The following CHAT variants were observed in gnomAD, a reference collection of about 807,000 sequenced individuals.
The protein encoded by CHAT is acetyl CoA:choline O-acetyltransferase.
CHAT carries 61 observed loss-of-function variants against 76.9 expected under a neutral mutation model. The ratio of observed to expected loss-of-function variants is 0.79; its 90% confidence interval spans 0.65 to 0.98. The LOEUF (loss-of-function observed/expected upper bound fraction) is 0.98, where lower values mean the gene tolerates loss of function less well. Among genes scored for constraint, CHAT ranks in the 50% least tolerant of loss-of-function variants. The pLI, the probability that CHAT is intolerant of heterozygous loss-of-function variation, is 0.00. For synonymous variants in CHAT, 407 were observed against 397.4 expected (o/e 1.02, Z -0.29); for missense variants, 946 against 986.9 (o/e 0.96, Z 0.56).
chr10:49,641,863 T>C (rs1317632723), intron 7 of CHAT, among the ~76,000 whole-genome samples: 2 of 152,208 alleles, frequency 1.3e-5, no homozygotes, highest in Admixed American at 1.3e-4. Context: ...GGGGTACTTG[T>C]GCACAGTAGT....
intron 13 of CHAT, among the ~76,000 whole-genome samples, chr10:49,661,919 G>A (rs1010254610): frequency 1.3e-5 from 2 of 152,154 alleles, no homozygotes; most frequent in African/African-American, 4.8e-5. Flanking sequence ...TTTGATAAAA[G>A]TTTAAATATC....
rs1444905151 is a variant in CHAT, at chr10:49,665,858, T to C, written c.*812T>C. 1.3e-5 allele frequency among the ~76,000 whole-genome samples: 2 copies of C among 152,070 alleles called. No individual in the cohort carries two copies. Among genetic ancestry groups the C allele is most frequent in the Non-Finnish European group, 2.9e-5 (2 of 68,004 alleles). ...GCAGATGGTGCCTGGTGCCGGTGGG[T>C]TTGCAGAGGACCTGGCCCCTTCCCG... On this transcript the variant is annotated 3_prime_UTR_variant, in exon 15 of 15. Transcript: ENST00000337653.
At chr10:49,626,775 A>T (rs986747715) in intron 6 of CHAT, among the ~76,000 whole-genome samples, 1 of 152,186 alleles carries the variant, frequency 6.6e-6, no homozygotes, top group Non-Finnish European at 1.5e-5. Flanking sequence ...ATCAGCTGAA[A>T]AGTGTATCTT....
intron 7 of CHAT, among the ~76,000 whole-genome samples, chr10:49,643,265 A>G (rs1000411452): frequency 9.9e-5 from 15 of 152,160 alleles, no homozygotes; most frequent in African/African-American, 3.6e-4. Flanking sequence ...GCCCCACCTA[A>G]ATCCTGCATG....
In CHAT at chr10:49,664,892, G is replaced by C; in HGVS notation, c.2093G>C (p.Ser698Thr). ...TILFCISSFH[S>T]CKETSSSKFA... ...CTTTTCTGCATCTCTAGCTTTCACAGCTGCAAAGAGACTTCTTCTAGCAAG... is the reference window on the plus strand; with the variant it reads ...CTTTTCTGCATCTCTAGCTTTCACACCTGCAAAGAGACTTCTTCTAGCAAG... Residue 698 changes from serine to threonine, a missense_variant, in exon 15 of 15, where the codon AGC becomes ACC. Ser to Thr is a moderately conservative substitution (Grantham distance 58). This residue lies in a region of CHAT where 349 missense variants were observed against 393.9 expected (regional missense o/e 0.89). Coordinates refer to ENST00000337653, the MANE Select transcript of CHAT (RefSeq NM_020549.5). The C allele has an allele frequency of 6.2e-7, 1 of 1,614,238 alleles. No homozygotes were observed. The highest frequency in any genetic ancestry group is 8.5e-7 in the Non-Finnish European group (1 of 1,180,038).
At chr10:49,615,218 G>A (rs1838443856) in intron 1 of CHAT, among the ~76,000 whole-genome samples, 1 of 152,172 alleles carries the variant, frequency 6.6e-6, no homozygotes, top group Non-Finnish European at 1.5e-5. Flanking sequence ...GGTCTGTAGG[G>A]CCTTTACCAA....
upstream of CHAT, among the ~76,000 whole-genome samples, chr10:49,609,536 G>A (rs1056613374): frequency 6.6e-6 from 1 of 152,128 alleles, no homozygotes; most frequent in African/African-American, 2.4e-5. Flanking sequence ...TCCAGGCAAG[G>A]GGAATGTGGC....
intron 5 of CHAT, 89 bp from the exon 6 acceptor site, chr10:49,625,384 G>A (rs1838879615): frequency 1.6e-6 from 2 of 1,285,102 alleles, no homozygotes; most frequent in East Asian, 2.4e-5. Flanking sequence ...CATTTTGCCT[G>A]ATCAAGTTAC....
upstream of CHAT, chr10:49,612,596 A>C (rs1590547077): frequency 2.0e-6 from 1 of 491,062 alleles, no homozygotes. Flanking sequence ...CTGAGTCCCC[A>C]CCTGCGGCTC....
upstream of CHAT, chr10:49,611,840 T>C (rs2132688094): frequency 6.2e-7 from 1 of 1,604,522 alleles, no homozygotes. Flanking sequence ...CTGGCTGTGA[T>C]CGGCGCCAGC....
chr10:49,641,383 G>T (rs1212387495), intron 7 of CHAT, among the ~76,000 whole-genome samples: 2 of 152,078 alleles, frequency 1.3e-5, no homozygotes, highest in Admixed American at 1.3e-4. Flanking sequence ...CTTTTGTTTT[G>T]AATAAAATGT....
intron 7 of CHAT, among the ~76,000 whole-genome samples, chr10:49,641,156 C>CA (rs1406933683): frequency 6.6e-6 from 1 of 152,226 alleles, no homozygotes; most frequent in African/African-American, 2.4e-5. Context: ...CTTATGAGGA[C>CA]ACCAGTTCTA....
chr10:49,620,691 A>C (rs971742223), intron 4 of CHAT, 78 bp downstream of exon 4: 6 of 1,172,954 alleles, frequency 5.1e-6, no homozygotes, highest in Non-Finnish European at 7.7e-6. Flanking sequence ...CCAGCAAAGA[A>C]AGGCCAAAGC....
At chr10:49,610,793 C>G, upstream of CHAT, 1 of 1,585,684 alleles carries the variant, frequency 6.3e-7, no homozygotes, top group Non-Finnish European at 8.6e-7. Flanking sequence ...ACCAAGCTGT[C>G]GGAGGCTGTG....
At chr10:49,617,533 G>T (rs558311961) in intron 2 of CHAT, among the ~76,000 whole-genome samples, 1 of 152,336 alleles carries the variant, frequency 6.6e-6, no homozygotes, top group African/African-American at 2.4e-5. Flanking sequence ...GGGTTGAGAT[G>T]TCTGAGCTGC....
intron 10 of CHAT, among the ~76,000 whole-genome samples, chr10:49,651,179 G>A (rs774553299): frequency 9.9e-5 from 15 of 152,034 alleles, no homozygotes; most frequent in Non-Finnish European, 1.3e-4. Context: ...TGTCCCAGAC[G>A]TCTGTCAACA....
At chr10:49,630,183 A>T (rs1839067749) in intron 7 of CHAT, among the ~76,000 whole-genome samples, 2 of 152,182 alleles carry the variant, frequency 1.3e-5, no homozygotes, top group South Asian at 4.1e-4. Flanking sequence ...TTTGAGGGAC[A>T]TCAGCGCATA....
intron 10 of CHAT, 122 bp downstream of exon 10, chr10:49,649,758 C>A: frequency 2.0e-6 from 2 of 987,476 alleles, no homozygotes; most frequent in South Asian, 1.3e-5. Flanking sequence ...TCCTTGGGCT[C>A]CACCTCGTCC....
intron 7 of CHAT, among the ~76,000 whole-genome samples, chr10:49,634,773 T>C (rs1839243090): frequency 6.6e-6 from 1 of 152,164 alleles, no homozygotes; most frequent in Non-Finnish European, 1.5e-5. Flanking sequence ...TTCCCCCAGT[T>C]CTGGAAGCCT....
Sources: gnomAD v4.1 joint callset for allele counts (sites outside exome capture counted in the v4.1 genomes callset) on GRCh38, gnomAD v4.1.1 for gene constraint, gnomAD v4.1.1 regional missense constraint, MANE v1.5 for transcripts, NCBI Gene and HGNC (gene_info 2026-07-23, HGNC 2026-07-21) for gene names.